GPC3: variants seen among roughly 807,000 people sequenced by gnomAD.
The protein encoded by GPC3 is glypican-3.
A neutral mutation model predicts 34.4 loss-of-function variants in GPC3; 3 were observed. The ratio of observed to expected loss-of-function variants is 0.09; its 90% CI spans 0.04 to 0.23. The LOEUF (loss-of-function observed/expected upper bound fraction) is 0.23. Among genes scored for constraint, GPC3 ranks in the 10% least tolerant of loss-of-function variants. The pLI is 1.00. For missense variants in GPC3, 351 were observed against 445.6 expected (o/e 0.79, Z 1.91); for synonymous variants, 177 against 174.0 (o/e 1.02, Z -0.13).
chrX:133,906,196 AAAG>A (rs1482550852), intron 2 of GPC3, among the ~76,000 whole-genome samples: 1 of 111,840 alleles, frequency 8.9e-6, no homozygotes, highest in African/African-American at 3.2e-5. Context: ...TCTAAGTGGT[AAAG>A]AAGAAAAAAA....
chrX:133,981,303 C>T (rs938054870), intron 1 of GPC3, among the ~76,000 whole-genome samples: 6 of 111,619 alleles, frequency 5.4e-5, no homozygotes, highest in African/African-American at 1.6e-4. Context: ...AGCTCCTTGA[C>T]AAAAGGGATT....
At chrX:133,757,573 A>T (rs374211980) in intron 2 of GPC3, among the ~76,000 whole-genome samples, 3 of 111,702 alleles carry the variant, frequency 2.7e-5, no homozygotes, top group African/African-American at 6.5e-5. Flanking sequence ...CTGGGTATTT[A>T]AAAAAAGGAG....
intron 2 of GPC3, among the ~76,000 whole-genome samples, chrX:133,927,235 G>A (rs1272926265): frequency 9.0e-6 from 1 of 110,999 alleles, no homozygotes; most frequent in Non-Finnish European, 1.9e-5. Flanking sequence ...AAAGTACAAA[G>A]TATTTAAGTA....
In GPC3 at chrX:133,875,441, T is replaced by A. The variant is rs759394838; in HGVS notation, c.337+77609A>T. ...GGCAAATGGAAATGAGAGTATTGTATCCCCCGCCTGCCTTTTCAACTTTCT... is the reference window on the plus strand; with the variant it reads ...GGCAAATGGAAATGAGAGTATTGTAACCCCCGCCTGCCTTTTCAACTTTCT... On this transcript the variant is annotated intron_variant, in intron 2 of 7. Coordinates refer to ENST00000370818, the MANE Select transcript of GPC3 (RefSeq NM_004484.4). Among the ~76,000 whole-genome samples the A allele has an allele frequency of 4.5e-5, 5 of 111,696 alleles. No homozygotes were observed. The East Asian group carries it at 1.1e-3, about 25-fold the overall frequency.
At chrX:133,725,803 C>T (rs1457478703) in intron 3 of GPC3, among the ~76,000 whole-genome samples, 7 of 111,705 alleles carry the variant, frequency 6.3e-5, no homozygotes, top group Admixed American at 9.5e-5. Flanking sequence ...ACAACTAGGG[C>T]GCAGGTACTA....
At chrX:133,926,259 ATCCTAGTCCTTTCT>A (rs2076274242) in intron 2 of GPC3, among the ~76,000 whole-genome samples, 1 of 112,099 alleles carries the variant, frequency 8.9e-6, no homozygotes, top group African/African-American at 3.2e-5. Flanking sequence ...GTGGCAGACA[ATCCTAGTCCTTTCT>A]TCCTCCAAAC....
chrX:133,692,814 T>C, intron 4 of GPC3, among the ~76,000 whole-genome samples: 1 of 112,304 alleles, frequency 8.9e-6, no homozygotes, highest in East Asian at 2.8e-4. Flanking sequence ...TCAAAGGTGC[T>C]GATTACAAGG....
intron 2 of GPC3, among the ~76,000 whole-genome samples, chrX:133,911,454 A>T (rs1271741755): frequency 2.7e-5 from 3 of 111,760 alleles, no homozygotes; most frequent in Non-Finnish European, 3.8e-5. Flanking sequence ...GATTTTTTTT[A>T]AAAGGTATGT....
At chrX:133,745,163 A>G (rs2071601719) in intron 3 of GPC3, among the ~76,000 whole-genome samples, 1 of 111,958 alleles carries the variant, frequency 8.9e-6, no homozygotes, top group Non-Finnish European at 1.9e-5. Context: ...AGTTTATTTA[A>G]AAAAAGGCAT....
chrX:133,590,611 G>A (rs759700132), intron 7 of GPC3, among the ~76,000 whole-genome samples: 2 of 111,980 alleles, frequency 1.8e-5, no homozygotes, highest in South Asian at 3.8e-4. Flanking sequence ...TTAGGTTGGC[G>A]CAAAATTAAT....
At chrX:133,983,524 G>A (rs1381951925) in intron 1 of GPC3, among the ~76,000 whole-genome samples, 2 of 111,531 alleles carry the variant, frequency 1.8e-5, no homozygotes. Context: ...GTGTGTAGAG[G>A]GGGGTTGCTA....
chrX:133,650,457 C>CCACCCA (rs2070589906), intron 6 of GPC3, among the ~76,000 whole-genome samples: 4 of 97,692 alleles, frequency 4.1e-5, no homozygotes, highest in African/African-American at 1.5e-4. Flanking sequence ...ACACACCCAC[C>CCACCCA]CACACACACA....
intron 2 of GPC3, among the ~76,000 whole-genome samples, chrX:133,850,384 C>T (rs1424436733): frequency 9.1e-6 from 1 of 110,459 alleles, no homozygotes; most frequent in East Asian, 2.8e-4. Flanking sequence ...TCAGAATCTC[C>T]AAAGCCTGGG....
intron 2 of GPC3, among the ~76,000 whole-genome samples, chrX:133,765,231 CA>C (rs1234979401): frequency 1.8e-5 from 2 of 111,323 alleles, no homozygotes; most frequent in African/African-American, 6.5e-5. Flanking sequence ...TTAGCTAGAC[CA>C]AAAAAAATCA....
chrX:133,886,374 G>A (rs2076061878), intron 2 of GPC3, among the ~76,000 whole-genome samples: 1 of 109,897 alleles, frequency 9.1e-6, no homozygotes. Flanking sequence ...AGGTAGGGGA[G>A]TAGAAAAGAA....
intron 6 of GPC3, among the ~76,000 whole-genome samples, chrX:133,633,545 A>G (rs762251051): frequency 8.9e-6 from 1 of 112,202 alleles, no homozygotes; most frequent in Admixed American, 9.5e-5. Context: ...ATTGCCTGCT[A>G]TAGTGGAAAG....
chrX:133,898,122 A>G (rs771462815), intron 2 of GPC3, among the ~76,000 whole-genome samples: 8 of 111,567 alleles, frequency 7.2e-5, no homozygotes, highest in Non-Finnish European at 1.3e-4. Flanking sequence ...GGCATCTGGC[A>G]GTAATCCGAT....
At chrX:133,641,954 G>C (rs1275950727) in intron 6 of GPC3, among the ~76,000 whole-genome samples, 1 of 112,085 alleles carries the variant, frequency 8.9e-6, no homozygotes, top group Non-Finnish European at 1.9e-5. Context: ...AGAGATTAGA[G>C]CTGTCTTATT....
intron 2 of GPC3, among the ~76,000 whole-genome samples, chrX:133,856,632 T>C (rs1007211494): frequency 5.4e-5 from 6 of 111,880 alleles, no homozygotes; most frequent in Non-Finnish European, 1.1e-4. Context: ...TACACTAAAA[T>C]GTTAATAGCA....
Sources: allele counts gnomAD v4.1 joint callset (sites outside exome capture counted in the v4.1 genomes callset), GRCh38; gene constraint gnomAD v4.1.1; transcripts MANE v1.5; gene names NCBI Gene and HGNC (gene_info 2026-07-23, HGNC 2026-07-21).